Variants in ERBB4 observed in about 807,000 individuals in gnomAD.
The protein encoded by ERBB4 is erb-b2 receptor tyrosine kinase 4.
Under a neutral mutation model 158.0 loss-of-function variants are expected in ERBB4, and 42 were observed. That is an observed-to-expected ratio of 0.27 (90% CI 0.21 to 0.34). The LOEUF (loss-of-function observed/expected upper bound fraction) is 0.34. Among genes scored for constraint, ERBB4 ranks in the 10% least tolerant of loss-of-function variants. ERBB4 has a pLI of 1.00. For missense variants in ERBB4, 1,333 were observed against 1,624.1 expected, an observed-to-expected ratio of 0.82 and a Z score of 3.08; for synonymous variants, 583 against 558.7, an observed-to-expected ratio of 1.04 and a Z score of -0.61.
At chr2:212,379,340 A>G (rs2090428774) in intron 1 of ERBB4, among the ~76,000 whole-genome samples, 1 of 151,762 alleles carries the variant, frequency 6.6e-6, no homozygotes, top group Admixed American at 6.6e-5. Flanking sequence ...GTAACCACAC[A>G]GTGATAAGAA....
At chr2:212,058,622 A>G (rs1047182496) in intron 2 of ERBB4, among the ~76,000 whole-genome samples, 2 of 152,344 alleles carry the variant, frequency 1.3e-5, no homozygotes, top group African/African-American at 4.8e-5. Context: ...CCTGGAATGC[A>G]AGGCTGGTTC....
At position 212,104,876 on chromosome 2, in the gene ERBB4, A is replaced by G. The variant is rs185807244; in HGVS notation, c.234+19876T>C. Among the ~76,000 whole-genome samples, 835 of 152,302 alleles carry G rather than the reference A, an allele frequency of 5.5e-3. 3 individuals are homozygous for G. Among genetic ancestry groups the G allele is most frequent in the Non-Finnish European group, 9.2e-3 (626 of 68,002 alleles). On this transcript the variant is annotated intron_variant, in intron 2 of 27. Coordinates refer to ENST00000342788, the MANE Select transcript of ERBB4 (RefSeq NM_005235.3). ...TATGTCAGGCATTATGATAGATTCT[A>G]TACGTTTTACCATTGCATTTGACCC...
intron 3 of ERBB4, among the ~76,000 whole-genome samples, chr2:211,875,036 A>AAAAG (rs1303189092): frequency 1.4e-5 from 2 of 144,572 alleles, no homozygotes; most frequent in African/African-American, 5.0e-5. Context: ...AAAAAAAAAA[A>AAAAG]AAAAAAAAAA....
intron 2 of ERBB4, among the ~76,000 whole-genome samples, chr2:211,967,798 T>C (rs911860671): frequency 1.1e-4 from 17 of 152,000 alleles, no homozygotes; most frequent in Non-Finnish European, 2.9e-5. Context: ...ATCTTATTAA[T>C]TTATTCATTA....
intron 20 of ERBB4, among the ~76,000 whole-genome samples, chr2:211,525,293 T>C (rs1312169324): frequency 3.3e-5 from 5 of 152,098 alleles, no homozygotes. Context: ...TTCCTTCCAC[T>C]TCAGGAAAGG....
chr2:212,166,576 G>GA lies in ERBB4; in HGVS notation c.83-41674dup, dbSNP rs35242218. 4.0e-3 allele frequency among the ~76,000 whole-genome samples: 576 copies of GA among 144,092 alleles called. 5 individuals are homozygous for GA. Among genetic ancestry groups the GA allele is most frequent in the African/African-American group, 0.012 (485 of 38,906 alleles). The allele number at this position is 144,092 out of a possible 152,430, so 94.5% of individuals were successfully genotyped here. On this transcript the variant is annotated intron_variant, in intron 1 of 27. Transcript: ENST00000342788. ...ACCATTGACATTCTTCACAGAATTA[G>GA]AAAAAAAAAAAACTATTTTAAATTT...
chr2:212,035,438 T>A (rs1412159989), intron 2 of ERBB4, among the ~76,000 whole-genome samples: 1 of 152,178 alleles, frequency 6.6e-6, no homozygotes. Flanking sequence ...TCCATCCACA[T>A]GCAAAATATT....
chr2:212,172,708 A>G (rs889298240), intron 1 of ERBB4, among the ~76,000 whole-genome samples: 1 of 152,056 alleles, frequency 6.6e-6, no homozygotes, highest in African/African-American at 2.4e-5. Flanking sequence ...ACGTGTTCTC[A>G]CTTATAAGTG....
intron 21 of ERBB4, among the ~76,000 whole-genome samples, chr2:211,430,560 G>T (rs2063726504): frequency 6.6e-6 from 1 of 152,112 alleles, no homozygotes; most frequent in African/African-American, 2.4e-5. Flanking sequence ...CTCTATAAGA[G>T]TTAGTGCTAC....
intron 20 of ERBB4, among the ~76,000 whole-genome samples, chr2:211,483,275 C>T (rs965034377): frequency 1.3e-5 from 2 of 151,632 alleles, no homozygotes; most frequent in Non-Finnish European, 2.9e-5. Flanking sequence ...TAAAAAAAAG[C>T]GCTGAAAATT....
chr2:211,898,420 T>G (rs898689915), intron 3 of ERBB4, among the ~76,000 whole-genome samples: 3 of 152,186 alleles, frequency 2.0e-5, no homozygotes, highest in African/African-American at 7.2e-5. Context: ...TTTCCACAAA[T>G]GATATTACAG....
At chr2:211,842,585 T>C (rs1303768456) in intron 3 of ERBB4, among the ~76,000 whole-genome samples, 1 of 152,020 alleles carries the variant, frequency 6.6e-6, no homozygotes, top group Non-Finnish European at 1.5e-5. Context: ...ATTGTGATAT[T>C]TAAAGTCAAA....
At chr2:211,676,998 G>A (rs2072101181) in intron 13 of ERBB4, among the ~76,000 whole-genome samples, 1 of 152,022 alleles carries the variant, frequency 6.6e-6, no homozygotes, top group Admixed American at 6.5e-5. Flanking sequence ...AAAATTAAAT[G>A]CTAAAATTTT....
At chr2:212,219,641 T>C (rs2083224295) in intron 1 of ERBB4, among the ~76,000 whole-genome samples, 1 of 151,194 alleles carries the variant, frequency 6.6e-6, no homozygotes, top group Admixed American at 6.6e-5. Flanking sequence ...TGCCCCTTAC[T>C]GAGCCTCCCT....
At chr2:211,891,645 T>C (rs1302058012) in intron 3 of ERBB4, among the ~76,000 whole-genome samples, 1 of 108,284 alleles carries the variant, frequency 9.2e-6, no homozygotes, top group Non-Finnish European at 1.9e-5. Flanking sequence ...ATCAACAAAA[T>C]TGATAGACCA....
intron 1 of ERBB4, among the ~76,000 whole-genome samples, chr2:212,398,122 GTA>G (rs1305583434): frequency 2.2e-5 from 3 of 134,790 alleles, no homozygotes; most frequent in East Asian, 2.0e-4. Context: ...GTGTGTGTGT[GTA>G]TATATATACA....
intron 3 of ERBB4, among the ~76,000 whole-genome samples, chr2:211,843,341 T>A (rs771225394): frequency 6.6e-6 from 1 of 152,044 alleles, no homozygotes. Flanking sequence ...AGAAGATGCG[T>A]CCTAGAGCTT....
intron 20 of ERBB4, among the ~76,000 whole-genome samples, chr2:211,506,687 T>A (rs2065759494): frequency 6.6e-6 from 1 of 150,690 alleles, no homozygotes; most frequent in Non-Finnish European, 1.5e-5. Context: ...AAAGCAGAAA[T>A]TAAAAAAATT....
At chr2:212,076,338 T>C (rs548298754) in intron 2 of ERBB4, among the ~76,000 whole-genome samples, 1 of 151,938 alleles carries the variant, frequency 6.6e-6, no homozygotes, top group Non-Finnish European at 1.5e-5. Flanking sequence ...ATGAGAGAGA[T>C]AAATATTGAA....
Sources: gnomAD v4.1 joint callset for allele counts (sites outside exome capture counted in the v4.1 genomes callset) on GRCh38, gnomAD v4.1.1 for gene constraint, MANE v1.5 for transcripts, NCBI Gene and HGNC (gene_info 2026-07-23, HGNC 2026-07-21) for gene names.